The following FAM184A variants were observed in gnomAD, a reference collection of about 807,000 sequenced individuals.
FAM184A encodes the protein protein FAM184A.
FAM184A carries 99 observed loss-of-function variants against 143.8 expected under a neutral mutation model. The ratio of observed to expected loss-of-function variants is 0.69; its 90% CI spans 0.58 to 0.81. The LOEUF is 0.81. FAM184A is among the 40% of genes least tolerant of loss of function. FAM184A has a pLI of 0.00. For synonymous variants in FAM184A, 427 were observed against 446.4 expected (o/e 0.96, Z 0.55); for missense variants, 1,217 against 1,310.5 (o/e 0.93, Z 1.10).
In FAM184A at chr6:119,047,777, C is replaced by T. The variant is rs116450865; in HGVS notation, c.160-22964G>A. 8.1e-3 allele frequency among the ~76,000 whole-genome samples: 1,234 copies of T among 152,212 alleles called. 15 individuals carry two copies. The highest frequency in any genetic ancestry group is 0.028 in the African/African-American group (1,158 of 41,524). On this transcript the variant is annotated intron_variant, in intron 1 of 17. Transcript: ENST00000338891. ...AAAAGCCCAGGATCATATGGATTCACGGCCAAATTCTACCAGATATAAAAC... is the reference window on the plus strand; with the variant it reads ...AAAAGCCCAGGATCATATGGATTCATGGCCAAATTCTACCAGATATAAAAC...
At position 119,058,172 on chromosome 6, in the gene FAM184A, TC is replaced by T. The variant is rs1787076060; in HGVS notation, c.159+19968del. 3.7e-5 allele frequency among the ~76,000 whole-genome samples: 5 copies of T among 135,592 alleles called. 1 individual carries two copies. Among genetic ancestry groups the T allele is most frequent in the African/African-American group, 1.5e-4 (5 of 33,198 alleles). The allele number at this position is 135,592 out of a possible 152,430, so 89.0% of individuals were successfully genotyped here. ...AAGAAGTAGAGTCCAATTCTCCTTC[TC>T]TCTTTTTTTTTTTTTTTTTTTTTTT... On this transcript the variant is annotated intron_variant, in intron 1 of 17. Transcript: ENST00000338891.
intron 1 of FAM184A, among the ~76,000 whole-genome samples, chr6:119,139,171 T>C (rs2114887842): frequency 6.6e-6 from 1 of 152,330 alleles, no homozygotes; most frequent in Non-Finnish European, 1.5e-5. Context: ...GCTTTCCTTT[T>C]AGTTTTGTTC....
chr6:119,021,525 C>T (rs1317356654), intron 3 of FAM184A, among the ~76,000 whole-genome samples: 1 of 152,114 alleles, frequency 6.6e-6, no homozygotes, highest in African/African-American at 2.4e-5. Flanking sequence ...AGTGAGACCT[C>T]ATCTTTAAAA....
chr6:119,148,902 A>G (rs552551690), intron 1 of FAM184A, among the ~76,000 whole-genome samples: 8 of 151,980 alleles, frequency 5.3e-5, no homozygotes, highest in Admixed American at 1.3e-4. Flanking sequence ...ATCAATGGCC[A>G]TTTGTTTTTG....
intron 1 of FAM184A, among the ~76,000 whole-genome samples, chr6:119,141,413 G>A (rs757831865): frequency 2.6e-5 from 4 of 152,240 alleles, no homozygotes; most frequent in Non-Finnish European, 5.9e-5. Flanking sequence ...CTGGATGCAG[G>A]GCTGCTGCCT....
At chr6:119,053,538 A>G (rs1786845661) in intron 1 of FAM184A, among the ~76,000 whole-genome samples, 1 of 152,318 alleles carries the variant, frequency 6.6e-6, no homozygotes, top group African/African-American at 2.4e-5. Flanking sequence ...TTTCTGCCCA[A>G]TGACCAAGGG....
upstream of FAM184A, chr6:119,079,006 T>A (rs1259319200): frequency 6.6e-6 from 1 of 150,866 alleles, no homozygotes; most frequent in African/African-American, 2.4e-5. Flanking sequence ...TGTAATCACC[T>A]TCGGTTAGCA....
intron 14 of FAM184A, among the ~76,000 whole-genome samples, chr6:118,967,603 T>C (rs1230374214): frequency 1.3e-5 from 2 of 152,162 alleles, no homozygotes; most frequent in African/African-American, 4.8e-5. Flanking sequence ...CTGAATGCCT[T>C]GAACGTTAAA....
At chr6:119,023,886 C>T in intron 2 of FAM184A, 73 bp downstream of exon 2, 1 of 1,371,224 alleles carries the variant, frequency 7.3e-7, no homozygotes, top group Non-Finnish European at 9.7e-7. Flanking sequence ...GGCCAGACTG[C>T]TCTCCAGCCT....
In FAM184A at chr6:119,142,543, A is replaced by G. The variant is rs73767261; in HGVS notation, c.-202+6535T>C. Among the ~76,000 whole-genome samples the G allele has an allele frequency of 2.7e-3, 407 of 152,326 alleles. 2 individuals carry two copies. Among genetic ancestry groups the G allele is most frequent in the African/African-American group, 9.5e-3 (395 of 41,576 alleles). ...TTGGAACTAGAGTGGAACTCAAAAA[A>G]ACAAGTATGGATTTAACATCGCGAG... On this transcript the variant is annotated intron_variant, in intron 1 of 16. Coordinates refer to the FAM184A transcript ENST00000352896.
chr6:119,034,454 C>T (rs541756443), intron 1 of FAM184A, among the ~76,000 whole-genome samples: 1 of 151,970 alleles, frequency 6.6e-6, no homozygotes, highest in East Asian at 1.9e-4. Context: ...TTTAAATTCA[C>T]CAAATTATGC....
upstream of FAM184A, among the ~76,000 whole-genome samples, chr6:119,080,658 C>T (rs1788036752): frequency 6.6e-6 from 1 of 152,134 alleles, no homozygotes; most frequent in African/African-American, 2.4e-5. Context: ...ATTATACTTA[C>T]TGGTTGAGCT....
chr6:119,092,213 C>G (rs1788389820), intron 1 of FAM184A, among the ~76,000 whole-genome samples: 2 of 152,192 alleles, frequency 1.3e-5, no homozygotes, highest in African/African-American at 4.8e-5. Flanking sequence ...CCATGGCTTA[C>G]TGAAGCCTCG....
intron 11 of FAM184A, 51 bp from the exon 12 acceptor site, chr6:118,976,095 A>G: frequency 6.4e-7 from 1 of 1,551,364 alleles, no homozygotes; most frequent in Non-Finnish European, 8.7e-7. Flanking sequence ...AATATTATCA[A>G]TACTTTAGAT....
intron 14 of FAM184A, among the ~76,000 whole-genome samples, chr6:118,974,092 C>T (rs1359524523): frequency 1.3e-5 from 2 of 151,844 alleles, no homozygotes; most frequent in Middle Eastern, 3.2e-3. Context: ...CATAGTATTC[C>T]TATTGTTCAC....
intron 15 of FAM184A, among the ~76,000 whole-genome samples, chr6:118,966,189 A>G (rs1783496282): frequency 6.6e-6 from 1 of 152,250 alleles, no homozygotes; most frequent in African/African-American, 2.4e-5. Context: ...CTAAAGTCCA[A>G]AGTCTTCAGC....
chr6:119,078,324 C>T lies in FAM184A; in HGVS notation c.-25G>A, dbSNP rs114413479. Reference sequence around the variant, plus strand: ...TCTTCCCAACAGACCCCAGCCGGGGCACCTGTCCCCGCGGGTGGAGGCAGG... The same window carrying T: ...TCTTCCCAACAGACCCCAGCCGGGGTACCTGTCCCCGCGGGTGGAGGCAGG... On this transcript the variant is annotated 5_prime_UTR_variant, in exon 1 of 18. Coordinates refer to ENST00000338891, the MANE Select transcript of FAM184A (RefSeq NM_024581.6). This position sits in a 1 kb window ranked among gnomAD's most constrained non-coding sequence, Gnocchi z 5.5. The T allele has an allele frequency of 0.02, 28,498 of 1,425,950 alleles. 355 individuals carry two copies. The highest frequency in any genetic ancestry group is 0.051 in the Middle Eastern group (250 of 4,886). The allele number at this position is 1,425,950 out of a possible 1,614,324, so 88.3% of individuals were successfully genotyped here. A position where few individuals can be genotyped will look rare whatever the true frequency, so the allele number is the denominator to read the frequency against.
intron 1 of FAM184A, among the ~76,000 whole-genome samples, chr6:119,120,472 T>A (rs1189399572): frequency 6.6e-6 from 1 of 152,256 alleles, no homozygotes; most frequent in African/African-American, 2.4e-5. Flanking sequence ...AGTATTAGTG[T>A]TCAAATGTGT....
intron 4 of FAM184A, 149 bp downstream of exon 4, chr6:119,019,828 CA>C: frequency 1.7e-6 from 1 of 599,690 alleles, no homozygotes; most frequent in South Asian, 3.0e-5. Context: ...GCTATATACC[CA>C]TTTCCTCAAA....
Sources: allele counts gnomAD v4.1 joint callset (sites outside exome capture counted in the v4.1 genomes callset), GRCh38; gene constraint gnomAD v4.1.1; non-coding constraint Gnocchi (gnomAD v3.1); transcripts MANE v1.5; gene names NCBI Gene and HGNC (gene_info 2026-07-23, HGNC 2026-07-21).